Variants in CSMD1 observed in about 807,000 individuals in gnomAD.
CSMD1 encodes the protein CUB and Sushi multiple domains 1.
Under a neutral mutation model 417.5 loss-of-function variants are expected in CSMD1, and 213 were observed. That is an observed-to-expected ratio of 0.51 (90% CI 0.46 to 0.57). The LOEUF is 0.57. Ranked by LOEUF, CSMD1 falls within the 20% of genes least tolerant of loss-of-function variation. CSMD1 has a pLI of 0.00. For synonymous variants in CSMD1, 2,862 were observed against 1,736.8 expected, an observed-to-expected ratio of 1.65 and a Z score of -16.11; for missense variants, 6,923 against 4,529.7, an observed-to-expected ratio of 1.53 and a Z score of -15.17.
At chr8:3,079,239 G>T (rs1184120109) in intron 49 of CSMD1, among the ~76,000 whole-genome samples, 2 of 152,154 alleles carry the variant, frequency 1.3e-5, no homozygotes, top group African/African-American at 4.8e-5. Context: ...TGAGCTATAT[G>T]GACTGTGTGG....
intron 3 of CSMD1, among the ~76,000 whole-genome samples, chr8:4,346,293 A>G (rs1720798249): frequency 6.6e-6 from 1 of 152,192 alleles, no homozygotes; most frequent in African/African-American, 2.4e-5. Context: ...AAAGATACAC[A>G]TAATTTAAAT....
intron 1 of CSMD1, among the ~76,000 whole-genome samples, chr8:4,817,609 T>C (rs999528500): frequency 1.3e-5 from 2 of 152,232 alleles, no homozygotes; most frequent in Non-Finnish European, 2.9e-5. Context: ...CAAAATACAA[T>C]TTTTGAATCA....
At chr8:4,126,880 T>C (rs1369757362) in intron 3 of CSMD1, among the ~76,000 whole-genome samples, 2 of 152,122 alleles carry the variant, frequency 1.3e-5, no homozygotes, top group African/African-American at 2.4e-5. Context: ...CCACAGCATC[T>C]GTCTCCTGGG....
intron 2 of CSMD1, among the ~76,000 whole-genome samples, chr8:4,546,058 A>G (rs1024772472): frequency 6.6e-6 from 1 of 152,162 alleles, no homozygotes; most frequent in South Asian, 2.1e-4. Flanking sequence ...TACCACCTGC[A>G]AGTCAACTTC....
At chr8:4,459,771 T>G (rs1302237564) in intron 2 of CSMD1, among the ~76,000 whole-genome samples, 1 of 152,178 alleles carries the variant, frequency 6.6e-6, no homozygotes, top group Admixed American at 6.5e-5. Context: ...CCTCCAGAAC[T>G]ATGAGAAAAT....
intron 1 of CSMD1, among the ~76,000 whole-genome samples, chr8:4,750,456 A>G (rs1276900728): frequency 6.6e-6 from 1 of 152,178 alleles, no homozygotes; most frequent in Non-Finnish European, 1.5e-5. Flanking sequence ...GGATTAAATA[A>G]TATCTAAAAC....
chr8:4,012,549 C>G (rs2740946), intron 4 of CSMD1, among the ~76,000 whole-genome samples: 1 of 151,894 alleles, frequency 6.6e-6, no homozygotes, highest in Non-Finnish European at 1.5e-5. Flanking sequence ...CAGCACCTGG[C>G]AGGTAGTTAT....
At chr8:4,484,794 C>A (rs1429911681) in intron 2 of CSMD1, among the ~76,000 whole-genome samples, 4 of 151,602 alleles carry the variant, frequency 2.6e-5, no homozygotes, top group Non-Finnish European at 4.4e-5. Flanking sequence ...ACGGTGAAAC[C>A]CCGTCTCTAC....
chr8:3,357,834 C>A (rs554683302), intron 21 of CSMD1, among the ~76,000 whole-genome samples: 1 of 152,186 alleles, frequency 6.6e-6, no homozygotes, highest in South Asian at 2.1e-4. Flanking sequence ...TAACCACAAA[C>A]AGTAAGAACC....
intron 5 of CSMD1, among the ~76,000 whole-genome samples, chr8:3,783,235 CG>C (rs1799273827): frequency 6.6e-6 from 1 of 152,144 alleles, no homozygotes; most frequent in Non-Finnish European, 1.5e-5. Context: ...ATGGTCAGGC[CG>C]ATACTGTGTA....
intron 10 of CSMD1, among the ~76,000 whole-genome samples, chr8:3,512,699 C>T (rs1477589584): frequency 6.6e-6 from 1 of 151,504 alleles, no homozygotes; most frequent in Non-Finnish European, 1.5e-5. Flanking sequence ...ACCTCTGCCT[C>T]CTGGGTTCAA....
At chr8:4,436,281 T>C (rs1462389255) in intron 2 of CSMD1, among the ~76,000 whole-genome samples, 4 of 152,300 alleles carry the variant, frequency 2.6e-5, no homozygotes, top group African/African-American at 9.6e-5. Context: ...CCACCTTGTA[T>C]TGTGGTGTTT....
chr8:3,638,822 T>C (rs891988916), intron 7 of CSMD1, among the ~76,000 whole-genome samples: 4 of 152,050 alleles, frequency 2.6e-5, no homozygotes, highest in Non-Finnish European at 5.9e-5. Context: ...CTCTCCTTCC[T>C]CACACCTTGT....
At chr8:4,415,920 T>A (rs1054347695) in intron 3 of CSMD1, among the ~76,000 whole-genome samples, 3 of 152,196 alleles carry the variant, frequency 2.0e-5, no homozygotes, top group Non-Finnish European at 2.9e-5. Flanking sequence ...TACAGACATG[T>A]GGATAATTTC....
At chr8:3,734,014 G>A (rs1311581971) in intron 6 of CSMD1, among the ~76,000 whole-genome samples, 1 of 151,908 alleles carries the variant, frequency 6.6e-6, no homozygotes, top group Non-Finnish European at 1.5e-5. Context: ...GTGTGAGTGT[G>A]TATATGGCAG....
chr8:3,314,758 T>G (rs996580337), intron 23 of CSMD1, among the ~76,000 whole-genome samples: 6 of 151,954 alleles, frequency 3.9e-5, no homozygotes, highest in African/African-American at 1.5e-4. Flanking sequence ...ATGTATCTTC[T>G]AACAATATTA....
At chr8:4,170,146 C>T (rs1261673530) in intron 3 of CSMD1, among the ~76,000 whole-genome samples, 1 of 151,812 alleles carries the variant, frequency 6.6e-6, no homozygotes, top group East Asian at 1.9e-4. Flanking sequence ...GTAAAAGTTA[C>T]CCAAACCTCC....
intron 3 of CSMD1, among the ~76,000 whole-genome samples, chr8:4,151,861 T>C (rs1387091070): frequency 6.6e-6 from 1 of 152,184 alleles, no homozygotes; most frequent in Admixed American, 6.5e-5. Flanking sequence ...CCATGTACCT[T>C]TTCTATTGCA....
chr8:4,135,239 A>G (rs34728015), intron 3 of CSMD1, among the ~76,000 whole-genome samples: 50,047 of 151,628 alleles, frequency 0.33, 8,598 homozygotes, highest in Middle Eastern at 0.44. Context: ...CCATGGGAAT[A>G]TATTTATTCA....
Sources: gnomAD v4.1 joint callset for allele counts (sites outside exome capture counted in the v4.1 genomes callset) on GRCh38, gnomAD v4.1.1 for gene constraint, MANE v1.5 for transcripts, NCBI Gene and HGNC (gene_info 2026-07-23, HGNC 2026-07-21) for gene names.